The following ADGRA2 variants were observed in gnomAD, a reference collection of about 807,000 sequenced individuals.
ADGRA2 encodes the protein G-protein coupled receptor 124.
ADGRA2 carries 61 observed loss-of-function variants against 98.7 expected under a neutral mutation model. The ratio of observed to expected loss-of-function variants is 0.62; its 90% CI spans 0.50 to 0.76. The LOEUF is 0.76. Among genes scored for constraint, ADGRA2 ranks in the 30% least tolerant of loss-of-function variants. The probability of loss-of-function intolerance (pLI) is 0.00; values close to 1 mark genes in which losing one functional copy is unlikely to be tolerated. For missense variants in ADGRA2, 1,712 were observed against 1,860.0 expected, an observed-to-expected ratio of 0.92 and a Z score of 1.46; for synonymous variants, 858 against 831.5, an observed-to-expected ratio of 1.03 and a Z score of -0.55.
intron 1 of ADGRA2, among the ~76,000 whole-genome samples, chr8:37,800,863 C>T (rs765813401): frequency 7.9e-5 from 12 of 152,182 alleles, no homozygotes; most frequent in Non-Finnish European, 1.3e-4. Flanking sequence ...TTTAGCTTGT[C>T]ACCTGGTGCA....
chr8:37,798,179 A>T (rs2129875729), intron 1 of ADGRA2, among the ~76,000 whole-genome samples: 1 of 152,154 alleles, frequency 6.6e-6, no homozygotes, highest in African/African-American at 2.4e-5. Flanking sequence ...CCCCTCTCCC[A>T]CGGCGCCGTT....
At chr8:37,822,423 T>TAAA (rs1563344227) in intron 2 of ADGRA2, among the ~76,000 whole-genome samples, 4,334 of 150,600 alleles carry the variant, frequency 0.029, 221 homozygotes, top group African/African-American at 0.1. Flanking sequence ...ACATGCTCTT[T>TAAA]AACTCACATG....
At chr8:37,827,619 C>T (rs1805317702) in intron 2 of ADGRA2, among the ~76,000 whole-genome samples, 1 of 152,226 alleles carries the variant, frequency 6.6e-6, no homozygotes, top group South Asian at 2.1e-4. Flanking sequence ...TGTCTCCCGA[C>T]ACTGCGGGCT....
chr8:37,828,432 C>T (rs866953346), intron 2 of ADGRA2, among the ~76,000 whole-genome samples: 8 of 151,206 alleles, frequency 5.3e-5, no homozygotes, highest in African/African-American at 1.2e-4. Flanking sequence ...GACCAGTGCC[C>T]GCTGATGGTA....
At chr8:37,836,058 CA>C (rs1337549734) in intron 13 of ADGRA2, among the ~76,000 whole-genome samples, 5 of 147,440 alleles carry the variant, frequency 3.4e-5, no homozygotes, top group African/African-American at 1.3e-4. Context: ...CACACACACA[CA>C]CACACACACA....
In ADGRA2 at chr8:37,831,686, G is replaced by A. The variant is rs1805459433; in HGVS notation, c.1097+99G>A. ...CAGAGTTTCCCCATCCGCTGTCTCT[G>A]TTGGGTCCTAAAGATGGAGAAGACA... On this transcript the variant is annotated intron_variant, in intron 8 of 18. Transcript: ENST00000412232. 23 of 1,041,174 alleles carry A rather than the reference G, an allele frequency of 2.2e-5. No homozygotes were observed. In the South Asian group the frequency reaches 2.6e-4, roughly 12 times the overall value. The allele number at this position is 1,041,174 out of a possible 1,614,324, so 64.5% of individuals were successfully genotyped here. A position where few individuals can be genotyped will look rare whatever the true frequency, so the allele number is the denominator to read the frequency against.
In ADGRA2 at chr8:37,814,266, T is replaced by A. The variant is rs1223440271; in HGVS notation, c.267-630T>A. The stretch of plus-strand genomic sequence containing the variant: ...AAACAGAACCCCGAGGCGCAGAGGC[T>A]GAGGCTGAGGCCTGGCTTCCCCTAC... On this transcript the variant is annotated intron_variant, in intron 1 of 18. Transcript: ENST00000412232. This position sits in a 1 kb window ranked among gnomAD's most constrained non-coding sequence, Gnocchi z 4.3. 6.6e-6 allele frequency among the ~76,000 whole-genome samples: 1 copy of A among 152,142 alleles called. No individual in the cohort carries two copies. The highest frequency in any genetic ancestry group is 2.4e-5 in the African/African-American group (1 of 41,426).
intron 12 of ADGRA2, 42 bp from the exon 13 acceptor site, chr8:37,835,512 A>AG: frequency 6.7e-7 from 1 of 1,497,522 alleles, no homozygotes; most frequent in Non-Finnish European, 9.3e-7. Context: ...TCAGTGCTCT[A>AG]GGGGGTCCTG....
At position 37,841,839 on chromosome 8, in the gene ADGRA2, C is replaced by T; in HGVS notation, c.3501C>T (p.Asn1167=). The change falls in exon 19 of 19, where the codon AAC becomes AAT. Residue 1167 remains asparagine, a synonymous_variant. Transcript: ENST00000412232. This position sits in a 1 kb window ranked among gnomAD's most constrained non-coding sequence, Gnocchi z 5.0. ...CGGAGCCGGCGGGCACCCGGGGAAA[C>T]CTCGCCCACCGCCACCCCAACAACG... ...GEPEPAGTRG[N]LAHRHPNNVH... 3 of 1,531,356 alleles carry T rather than the reference C, an allele frequency of 2.0e-6. No individual in the cohort carries two copies. Among genetic ancestry groups the T allele is most frequent in the South Asian group, 1.2e-5 (1 of 83,742 alleles). The allele number at this position is 1,531,356 out of a possible 1,614,324, so 94.9% of individuals were successfully genotyped here.
Position 37,841,801 on chromosome 8 carries a change from G to A in ADGRA2, c.3463G>A (p.Gly1155Arg), listed in dbSNP as rs1274443278. ...GTGCGAGGCGGGGGCGGCGGCCGGC[G>A]GGGAAGGAGAGCCGGAGCCGGCGGG... is the stretch of plus-strand genomic sequence containing the variant. Reference protein sequence around the residue: ...QVCEAGAAAGGEGEPEPAGTR... With the variant: ...QVCEAGAAAGREGEPEPAGTR... Residue 1155 changes from glycine (G) to arginine (R), a missense_variant, in exon 19 of 19, where the codon GGG becomes AGG. Transcript: ENST00000412232. The surrounding 1 kb of genome is among the most constrained non-coding windows in gnomAD (Gnocchi z 5.0). The A allele has an allele frequency of 5.9e-6, 9 of 1,530,998 alleles. No homozygotes were observed. Among genetic ancestry groups the A allele is most frequent in the Non-Finnish European group, 7.0e-6 (8 of 1,143,790 alleles). 94.8% of individuals were successfully genotyped at this position (1,530,998 alleles called of 1,614,324 possible). A position where few individuals can be genotyped will look rare whatever the true frequency, so the allele number is the denominator to read the frequency against.
intron 2 of ADGRA2, among the ~76,000 whole-genome samples, chr8:37,828,329 A>AG (rs929547110): frequency 1.3e-5 from 2 of 152,096 alleles, no homozygotes; most frequent in East Asian, 1.9e-4. Flanking sequence ...GTGGGAAAGG[A>AG]GGCCTCCTAA....
intron 14 of ADGRA2, 89 bp from the exon 15 acceptor site, chr8:37,838,866 AG>A: frequency 6.9e-7 from 1 of 1,459,370 alleles, no homozygotes; most frequent in South Asian, 1.4e-5. Flanking sequence ...TGCAGGACCA[AG>A]GCTGACGGGG....
Position 37,837,746 on chromosome 8 carries a change from G to A in ADGRA2, c.2066G>A (p.Gly689Glu). 3 of 1,553,220 alleles carry A rather than the reference G, an allele frequency of 1.9e-6. No individual in the cohort carries two copies. The highest frequency in any genetic ancestry group is 1.2e-5 in the South Asian group (1 of 84,200). Residue 689 changes from glycine (G) to glutamate (E), a missense_variant, in exon 14 of 19, where the codon GGA (glycine) becomes GAA (glutamate). Coordinates refer to ENST00000412232, the MANE Select transcript of ADGRA2 (RefSeq NM_032777.10). ...CCCGCTGTAGGTGGCTGTGGCGTGG[G>A]AAACCTGACAGAGCCAGTGGCCGTT... ...IFAGTSGCGV[G>E]NLTEPVAVSL...
rs1029211447 is a variant in ADGRA2, at chr8:37,843,760, A to G, written c.*1405A>G. On this transcript the variant is annotated 3_prime_UTR_variant, in exon 19 of 19. Coordinates refer to ENST00000412232, the MANE Select transcript of ADGRA2 (RefSeq NM_032777.10). ...ATTAGAAGAAAAAAAAAAGCTTTGT[A>G]TTATTCTTCCACATATGCTGGCTGC... 6.6e-6 allele frequency: 1 copy of G among 152,476 alleles called. No homozygotes were observed. Among genetic ancestry groups the G allele is most frequent in the African/African-American group, 2.4e-5 (1 of 41,386 alleles). The allele number at this position is 152,476 out of a possible 1,614,324, so 9.4% of individuals were successfully genotyped here.
In ADGRA2 at chr8:37,797,220, G is replaced by A; in HGVS notation, c.-49G>A. 2 of 1,199,666 alleles carry A rather than the reference G, an allele frequency of 1.7e-6. No homozygotes were observed. Among genetic ancestry groups the A allele is most frequent in the Non-Finnish European group, 2.1e-6 (2 of 967,486 alleles). 74.3% of individuals were successfully genotyped at this position (1,199,666 alleles called of 1,614,324 possible). On this transcript the variant is annotated 5_prime_UTR_variant, in exon 1 of 19. Transcript: ENST00000412232. This position sits in a 1 kb window ranked among gnomAD's most constrained non-coding sequence, Gnocchi z 5.3. ...CCGCACGCCTGGGTCCCTCCGGCCG[G>A]CGCGCAGCCCGGCCCCAGCGCTGTG... is the stretch of plus-strand genomic sequence containing the variant.
chr8:37,832,326 T>C (rs1270260943), intron 8 of ADGRA2, among the ~76,000 whole-genome samples: 1 of 151,982 alleles, frequency 6.6e-6, no homozygotes, highest in Non-Finnish European at 1.5e-5. Flanking sequence ...GTGCCAGGAT[T>C]ACAGGCTTGA....
intron 1 of ADGRA2, among the ~76,000 whole-genome samples, chr8:37,807,356 G>A (rs1001883784): frequency 3.9e-5 from 6 of 152,194 alleles, no homozygotes; most frequent in South Asian, 4.1e-4. Context: ...TGTGCACGGC[G>A]AGCATCCTCA....
Position 37,830,463 on chromosome 8 carries a change from G to A in ADGRA2, c.719-247G>A, listed in dbSNP as rs1406142713. Among the ~76,000 whole-genome samples, 1 of 152,126 alleles carries A rather than the reference G, an allele frequency of 6.6e-6. No homozygotes were observed. The highest frequency in any genetic ancestry group is 2.4e-5 in the African/African-American group (1 of 41,402). On this transcript the variant is annotated intron_variant, in intron 6 of 18. Transcript: ENST00000412232. This position sits in a 1 kb window ranked among gnomAD's most constrained non-coding sequence, Gnocchi z 4.8. ...GGACTGCTTGTTTATGTTTTCATCT[G>A]GCCCCACCTCTTGGGGTAACACGTG... is the stretch of plus-strand genomic sequence containing the variant.
chr8:37,829,088 G>A lies in ADGRA2; in HGVS notation c.410+129G>A. Reference sequence around the variant, plus strand: ...CCCCTCCTTTCCGCTTGGGTGCCTTGGCTGGGGTCAAAGGAGCTGGCATTT... The same window carrying A: ...CCCCTCCTTTCCGCTTGGGTGCCTTAGCTGGGGTCAAAGGAGCTGGCATTT... On this transcript the variant is annotated intron_variant, in intron 3 of 18. Coordinates refer to ENST00000412232, the MANE Select transcript of ADGRA2 (RefSeq NM_032777.10). The A allele has an allele frequency of 6.7e-6, 5 of 749,910 alleles. No individual in the cohort carries two copies. In the South Asian group the frequency reaches 9.3e-5, roughly 14 times the overall value. The allele number at this position is 749,910 out of a possible 1,614,324, so 46.5% of individuals were successfully genotyped here.
Sources: allele counts gnomAD v4.1 joint callset (sites outside exome capture counted in the v4.1 genomes callset), GRCh38; gene constraint gnomAD v4.1.1; non-coding constraint Gnocchi (gnomAD v3.1); transcripts MANE v1.5; gene names NCBI Gene and HGNC (gene_info 2026-07-23, HGNC 2026-07-21).